The following FURIN variants were observed in gnomAD, a reference collection of about 807,000 sequenced individuals.
FURIN encodes the protein FES upstream region.
A neutral mutation model predicts 89.2 loss-of-function variants in FURIN; 18 were observed. The observed-to-expected ratio is 0.20, with a 90% confidence interval of 0.14 to 0.30. The LOEUF is 0.30. Ranked by LOEUF, FURIN falls within the 10% of genes least tolerant of loss-of-function variation. FURIN has a pLI of 1.00. For synonymous variants in FURIN, 508 were observed against 466.4 expected, an observed-to-expected ratio of 1.09 and a Z score of -1.15; for missense variants, 879 against 1,100.5, an observed-to-expected ratio of 0.80 and a Z score of 2.85.
At position 90,877,144 on chromosome 15, in the gene FURIN, G is replaced by T; in HGVS notation, c.511G>T (p.Ala171Ser). 6.2e-7 allele frequency: 1 copy of T among 1,611,634 alleles called. No individual in the cohort carries two copies. Among genetic ancestry groups the T allele is most frequent in the South Asian group, 1.1e-5 (1 of 90,670 alleles). The change falls in exon 6 of 16, where the codon GCC (alanine) becomes TCC (serine). Residue 171 changes from alanine (A) to serine (S), a missense_variant. Physicochemically the swap from Ala to Ser is moderately conservative, Grantham distance 99. This residue lies in a region of FURIN where 139 missense variants were observed against 215.0 expected (regional missense o/e 0.65). Transcript: ENST00000268171. The part of the protein sequence containing the change: ...PDLAGNYDPG[A>S]SFDVNDQDPD... ...GCCAAATCCTTCTTAGGATCCTGGGGCCAGTTTTGATGTCAATGACCAGGA... is the reference window on the plus strand; with the variant it reads ...GCCAAATCCTTCTTAGGATCCTGGGTCCAGTTTTGATGTCAATGACCAGGA...
In FURIN at chr15:90,880,016, A is replaced by G. The variant is rs778926207; in HGVS notation, c.1376+32A>G. 3.1e-6 allele frequency: 5 copies of G among 1,607,474 alleles called. No individual in the cohort carries two copies. The South Asian group carries it at 3.3e-5, about 11-fold the overall frequency. On this transcript the variant is annotated intron_variant, in intron 12 of 15. Transcript: ENST00000268171. Reference sequence around the variant, plus strand: ...GCTGGACCCAGGCTGGGAGGGGGCCAGTGGGACCTGAGAGTCGCAGGGGGT... The same window carrying G: ...GCTGGACCCAGGCTGGGAGGGGGCCGGTGGGACCTGAGAGTCGCAGGGGGT...
chr15:90,879,005 G>A (rs754552007), intron 9 of FURIN, 29 bp downstream of exon 9: 1 of 1,394,062 alleles, frequency 7.2e-7, no homozygotes, highest in Non-Finnish European at 9.9e-7. Context: ...TGGGGGCTGG[G>A]GAGATGGGGC....
rs374944389 is a variant in FURIN at position 90,878,119 on chromosome 15, C to T, written c.668-13C>T. The T allele has an allele frequency of 9.9e-6, 16 of 1,613,384 alleles. No homozygotes were observed. In the African/African-American group the frequency reaches 1.7e-4, roughly 17 times the overall value. On this transcript the variant is annotated splice_polypyrimidine_tract_variant and intron_variant, in intron 7 of 15. Transcript: ENST00000268171. ...ATGCAGCATCCCTCTTCGTGCCCCC[C>T]CTTCACGGCCAGGGGTGCGCATGCT...
chr15:90,876,205 CG>C lies in FURIN; in HGVS notation c.178-46del. 3 of 1,305,034 alleles carry C rather than the reference CG, an allele frequency of 2.3e-6. No homozygotes were observed. Among genetic ancestry groups the C allele is most frequent in the Non-Finnish European group, 3.3e-6 (3 of 899,862 alleles). The allele number at this position is 1,305,034 out of a possible 1,614,324, so 80.8% of individuals were successfully genotyped here. On this transcript the variant is annotated intron_variant, in intron 2 of 15. Transcript: ENST00000268171. This position sits in a 1 kb window ranked among gnomAD's most constrained non-coding sequence, Gnocchi z 5.0. ...TTGTCCACCCCCGTCCCCCGCCTCC[CG>C]GGGACTGACAGATGGAAAGCCCAGC...
Position 90,876,215 on chromosome 15 carries a change from C to A in FURIN, c.178-40C>A. On this transcript the variant is annotated intron_variant, in intron 2 of 15. Transcript: ENST00000268171. The surrounding 1 kb of genome is among the most constrained non-coding windows in gnomAD (Gnocchi z 5.0). ...CCGTCCCCCGCCTCCCGGGGACTGACAGATGGAAAGCCCAGCTCAGTCTCC... is the reference window on the plus strand; with the variant it reads ...CCGTCCCCCGCCTCCCGGGGACTGAAAGATGGAAAGCCCAGCTCAGTCTCC... The A allele has an allele frequency of 7.3e-7, 1 of 1,372,588 alleles. No individual in the cohort carries two copies. The highest frequency in any genetic ancestry group is 1.0e-6 in the Non-Finnish European group (1 of 960,786). The allele number at this position is 1,372,588 out of a possible 1,614,324, so 85.0% of individuals were successfully genotyped here. A position where few individuals can be genotyped will look rare whatever the true frequency, so the allele number is the denominator to read the frequency against.
intron 13 of FURIN, among the ~76,000 whole-genome samples, 155 bp downstream of exon 13, chr15:90,880,428 T>C (rs2072858301): frequency 6.6e-6 from 1 of 152,250 alleles, no homozygotes; most frequent in South Asian, 2.1e-4. Context: ...CCTGTGGGAC[T>C]GTCCCATGTT....
chr15:90,872,908 A>G (rs1386765470), intron 1 of FURIN: 1 of 152,302 alleles, frequency 6.6e-6, no homozygotes, highest in Non-Finnish European at 1.5e-5. Flanking sequence ...GTGAGGCGCA[A>G]TTTGAGTGGC....
At chr15:90,869,282 G>C (rs1005961653) in intron 1 of FURIN, among the ~76,000 whole-genome samples, 9 of 152,106 alleles carry the variant, frequency 5.9e-5, no homozygotes, top group African/African-American at 2.2e-4. Flanking sequence ...AGGACCTTGG[G>C]CCCCTAGGGC....
In FURIN at chr15:90,878,822, A is replaced by G; in HGVS notation, c.899A>G (p.His300Arg). The G allele has an allele frequency of 6.2e-7, 1 of 1,612,904 alleles. No homozygotes were observed. The highest frequency in any genetic ancestry group is 8.5e-7 in the Non-Finnish European group (1 of 1,179,458). Reference protein sequence around the residue: ...VWASGNGGREHDSCNCDGYTN... With the variant: ...VWASGNGGRERDSCNCDGYTN... Reference sequence around the variant, plus strand: ...GCCTCGGGGAACGGGGGCCGGGAACATGACAGCTGCAACTGCGACGGCTAC... The same window carrying G: ...GCCTCGGGGAACGGGGGCCGGGAACGTGACAGCTGCAACTGCGACGGCTAC... Residue 300 changes from histidine to arginine, a missense_variant, in exon 9 of 16, where the codon CAT (histidine) becomes CGT (arginine). Physicochemically the swap from His to Arg is conservative, Grantham distance 29. Coordinates refer to ENST00000268171, the MANE Select transcript of FURIN (RefSeq NM_002569.4).
At position 90,869,874 on chromosome 15, in the gene FURIN, T is replaced by C. The variant is rs1261846738; in HGVS notation, c.-160+1163T>C. On this transcript the variant is annotated intron_variant, in intron 1 of 15. Transcript: ENST00000268171. ...CAGCCCTGTCCCTGTTTCCCCTCAA[T>C]GGAGTTCTCTTGCTCACAGCCTAAG... Among the ~76,000 whole-genome samples the C allele has an allele frequency of 2.6e-5, 4 of 152,356 alleles. No individual in the cohort carries two copies. In the East Asian group the frequency reaches 7.7e-4, roughly 29 times the overall value.
rs1000677492 is a variant in FURIN at position 90,881,233 on chromosome 15, G to A, written c.1793-53G>A. On this transcript the variant is annotated intron_variant, in intron 15 of 15. Coordinates refer to ENST00000268171, the MANE Select transcript of FURIN (RefSeq NM_002569.4). This position sits in a 1 kb window ranked among gnomAD's most constrained non-coding sequence, Gnocchi z 4.3. Reference sequence around the variant, plus strand: ...TTGGCTTGGGGCTGCTGTGGTCCTGGGGCTACAGTCTGTTTAGCTGACACA... The same window carrying A: ...TTGGCTTGGGGCTGCTGTGGTCCTGAGGCTACAGTCTGTTTAGCTGACACA... 7.1e-7 allele frequency: 1 copy of A among 1,416,272 alleles called. No homozygotes were observed. The highest frequency in any genetic ancestry group is 1.4e-5 in the African/African-American group (1 of 70,710). 87.7% of individuals were successfully genotyped at this position (1,416,272 alleles called of 1,614,324 possible). A position where few individuals can be genotyped will look rare whatever the true frequency, so the allele number is the denominator to read the frequency against.
chr15:90,875,649 G>A lies in FURIN; in HGVS notation c.-92G>A. The A allele has an allele frequency of 8.3e-7, 1 of 1,204,906 alleles. No individual in the cohort carries two copies. The highest frequency in any genetic ancestry group is 1.6e-5 in the South Asian group (1 of 63,940). 74.6% of individuals were successfully genotyped at this position (1,204,906 alleles called of 1,614,324 possible). ...CCATGCCCCCACCAGTCAGCCCCGGGCCACAGGCAGTGAGCAGGCACCTGG... is the reference window on the plus strand; with the variant it reads ...CCATGCCCCCACCAGTCAGCCCCGGACCACAGGCAGTGAGCAGGCACCTGG... On this transcript the variant is annotated 5_prime_UTR_variant, in exon 2 of 16. Coordinates refer to ENST00000268171, the MANE Select transcript of FURIN (RefSeq NM_002569.4).
Position 90,877,164 on chromosome 15 carries a change from C to T in FURIN, c.531C>T (p.Asp177=), listed in dbSNP as rs1270242384. ...YDPGASFDVN[D]QDPDPQPRYT... is the part of the protein sequence containing the mutation. ...CTGGGGCCAGTTTTGATGTCAATGACCAGGACCCTGACCCCCAGCCTCGGT... is the reference window on the plus strand; with the variant it reads ...CTGGGGCCAGTTTTGATGTCAATGATCAGGACCCTGACCCCCAGCCTCGGT... The change falls in exon 6 of 16, where the codon GAC becomes GAT. Residue 177 remains aspartate (D), a synonymous_variant. Coordinates refer to ENST00000268171, the MANE Select transcript of FURIN (RefSeq NM_002569.4). The T allele has an allele frequency of 6.2e-7, 1 of 1,612,422 alleles. No homozygotes were observed. Among genetic ancestry groups the T allele is most frequent in the Non-Finnish European group, 8.5e-7 (1 of 1,179,048 alleles).
At chr15:90,873,753 G>T (rs1285733497) in intron 1 of FURIN, among the ~76,000 whole-genome samples, 1 of 152,178 alleles carries the variant, frequency 6.6e-6, no homozygotes, top group Non-Finnish European at 1.5e-5. Flanking sequence ...TCCGAGGCCT[G>T]CCCTGGAAGT....
intron 14 of FURIN, 41 bp downstream of exon 14, chr15:90,880,856 G>T: frequency 6.2e-7 from 1 of 1,611,120 alleles, no homozygotes; most frequent in Non-Finnish European, 8.5e-7. Context: ...GAGGTGGAGG[G>T]CTGGCAGGAT....
rs1567083934 is a variant in FURIN, at chr15:90,878,857, A to G, written c.934A>G (p.Ile312Val). The G allele has an allele frequency of 3.7e-6, 6 of 1,612,922 alleles. No homozygotes were observed. Among genetic ancestry groups the G allele is most frequent in the Non-Finnish European group, 5.1e-6 (6 of 1,179,464 alleles). ...CAACTGCGACGGCTACACCAACAGT[A>G]TCTACACGCTGTCCATCAGCAGCGC... ...SCNCDGYTNS[I>V]YTLSISSATQ... The change falls in exon 9 of 16, where the codon ATC becomes GTC. Residue 312 changes from isoleucine to valine, a missense_variant. By Grantham distance (29) the Ile-to-Val change is conservative. Transcript: ENST00000268171.
At chr15:90,879,602 C>G (rs2031826748) in intron 10 of FURIN, 58 bp downstream of exon 10, 1 of 1,559,272 alleles carries the variant, frequency 6.4e-7, no homozygotes, top group African/African-American at 1.4e-5. Flanking sequence ...TGTAGGGCAG[C>G]CCTTAGGGCA....
chr15:90,871,996 G>A (rs1181552438), intron 1 of FURIN, among the ~76,000 whole-genome samples: 1 of 151,358 alleles, frequency 6.6e-6, no homozygotes, highest in African/African-American at 2.4e-5. Flanking sequence ...TGCTGGGGGC[G>A]GGATGGGGAG....
chr15:90,881,452 G>A lies in FURIN; in HGVS notation c.1959G>A (p.Gly653=), dbSNP rs939344927. Residue 653 remains glycine, a synonymous_variant, in exon 16 of 16, where the codon GGG becomes GGA. Transcript: ENST00000268171. The surrounding 1 kb of genome is among the most constrained non-coding windows in gnomAD (Gnocchi z 4.3). The part of the protein sequence containing the change: ...PCHASCATCQ[G]PALTDCLSCP... ...ACGCCTCATGTGCCACATGCCAGGG[G>A]CCGGCCCTGACAGACTGCCTCAGCT... is the stretch of plus-strand genomic sequence containing the variant. 3 of 1,612,210 alleles carry A rather than the reference G, an allele frequency of 1.9e-6. No homozygotes were observed. The highest frequency in any genetic ancestry group is 2.7e-5 in the African/African-American group (2 of 74,904).
Sources: gnomAD v4.1 joint callset for allele counts (sites outside exome capture counted in the v4.1 genomes callset) on GRCh38, gnomAD v4.1.1 for gene constraint, gnomAD v4.1.1 regional missense constraint, Gnocchi (gnomAD v3.1) non-coding constraint, MANE v1.5 for transcripts, NCBI Gene and HGNC (gene_info 2026-07-23, HGNC 2026-07-21) for gene names.